The following MLPH variants were observed in gnomAD, a reference collection of about 807,000 sequenced individuals.
MLPH encodes exophilin-3.
Under a neutral mutation model 72.1 loss-of-function variants are expected in MLPH, and 51 were observed. That is an observed-to-expected ratio of 0.71 (90% CI 0.56 to 0.89). The LOEUF is 0.89. Ranked by LOEUF, MLPH falls within the 40% of genes least tolerant of loss-of-function variation. The pLI is 0.00. For missense variants in MLPH, 743 were observed against 759.9 expected, an observed-to-expected ratio of 0.98 and a Z score of 0.26; for synonymous variants, 301 against 310.1, an observed-to-expected ratio of 0.97 and a Z score of 0.31.
At chr2:237,522,360 G>C (rs1369632461) in intron 6 of MLPH, among the ~76,000 whole-genome samples, 1 of 110,144 alleles carries the variant, frequency 9.1e-6, no homozygotes, top group Non-Finnish European at 1.9e-5. Flanking sequence ...CTGGAGTGGA[G>C]CAGGGCTGAG....
In MLPH at chr2:237,505,271, G is replaced by A. The variant is rs1196589905; in HGVS notation, c.111-5303G>A. On this transcript the variant is annotated intron_variant, in intron 2 of 15. Coordinates refer to ENST00000264605, the MANE Select transcript of MLPH (RefSeq NM_024101.7). The surrounding 1 kb of genome is among the most constrained non-coding windows in gnomAD (Gnocchi z 4.5). ...CTGGCCGGGCACTGAGATACGGATG[G>A]CACCCACCACTGAGACCCTGATCCC... Among the ~76,000 whole-genome samples the A allele has an allele frequency of 6.6e-6, 1 of 152,128 alleles. No individual in the cohort carries two copies. The highest frequency in any genetic ancestry group is 1.5e-5 in the Non-Finnish European group (1 of 68,006).
intron 6 of MLPH, among the ~76,000 whole-genome samples, chr2:237,524,432 G>A (rs1217132034): frequency 6.6e-6 from 1 of 151,812 alleles, no homozygotes; most frequent in Admixed American, 6.6e-5. Flanking sequence ...AGAACTTGGA[G>A]TCCGATGTTC....
chr2:237,519,590 G>T (rs2080132304), intron 5 of MLPH, among the ~76,000 whole-genome samples: 1 of 152,230 alleles, frequency 6.6e-6, no homozygotes, highest in South Asian at 2.1e-4. Flanking sequence ...CCCTGGAACA[G>T]CTTGCCTGCC....
At chr2:237,523,170 G>C (rs1280074468) in intron 6 of MLPH, among the ~76,000 whole-genome samples, 1 of 152,206 alleles carries the variant, frequency 6.6e-6, no homozygotes, top group Non-Finnish European at 1.5e-5. Context: ...GAGGGTTTGA[G>C]AGTCTGGATT....
At chr2:237,509,862 C>A (rs1260594910) in intron 2 of MLPH, among the ~76,000 whole-genome samples, 1 of 152,162 alleles carries the variant, frequency 6.6e-6, no homozygotes, top group Admixed American at 6.5e-5. Flanking sequence ...ACAATGGCAC[C>A]TAGTGTCCTT....
chr2:237,508,473 C>T (rs970463354), intron 2 of MLPH, among the ~76,000 whole-genome samples: 8 of 152,122 alleles, frequency 5.3e-5, no homozygotes, highest in South Asian at 4.2e-4. Flanking sequence ...TGCCCTGACT[C>T]GTGCTAAAGC....
chr2:237,520,969 T>A (rs567899727), intron 6 of MLPH, among the ~76,000 whole-genome samples: 1 of 152,282 alleles, frequency 6.6e-6, no homozygotes, highest in East Asian at 1.9e-4. Context: ...TTATTAGTTA[T>A]GAGATTAAGC....
intron 2 of MLPH, among the ~76,000 whole-genome samples, chr2:237,501,712 G>A (rs1192272983): frequency 6.6e-6 from 1 of 150,480 alleles, no homozygotes; most frequent in Non-Finnish European, 1.5e-5. Flanking sequence ...AGCCAGGCAT[G>A]GTGGCAGGTG....
chr2:237,540,785 G>A lies in MLPH; in HGVS notation c.1291-17G>A, dbSNP rs368876901. 5.0e-5 allele frequency: 80 copies of A among 1,612,372 alleles called. No individual in the cohort carries two copies. The highest frequency in any genetic ancestry group is 2.8e-4 in the African/African-American group (21 of 74,888). On this transcript the variant is annotated splice_polypyrimidine_tract_variant and intron_variant, in intron 10 of 15. Transcript: ENST00000264605. Reference sequence around the variant, plus strand: ...TCCCTCCTGCTGCTGGTCAGCCTCCGTCCTTCTCTTTCCTAGGTGGGCACG... The same window carrying A: ...TCCCTCCTGCTGCTGGTCAGCCTCCATCCTTCTCTTTCCTAGGTGGGCACG...
At chr2:237,521,588 G>T (rs1323983158) in intron 6 of MLPH, among the ~76,000 whole-genome samples, 2 of 152,080 alleles carry the variant, frequency 1.3e-5, no homozygotes, top group African/African-American at 4.8e-5. Context: ...AGAATGCGAT[G>T]TTTTTTGATA....
At chr2:237,523,402 A>G (rs961521946) in intron 6 of MLPH, among the ~76,000 whole-genome samples, 2 of 152,228 alleles carry the variant, frequency 1.3e-5, no homozygotes, top group African/African-American at 4.8e-5. Context: ...GAGTTGCACC[A>G]ATGTTTTTAG....
intron 2 of MLPH, among the ~76,000 whole-genome samples, chr2:237,497,803 G>A (rs10194318): frequency 0.055 from 8,378 of 152,234 alleles, 748 homozygotes; most frequent in African/African-American, 0.19. Flanking sequence ...ACAGAATCCC[G>A]TTCTCTGTAG....
Position 237,540,343 on chromosome 2 carries a change from G to C in MLPH, c.1105-5G>C, listed in dbSNP as rs774857589. ...GAATCCAAATCCACTGGCCTGTTCT[G>C]TCAGGGTCTAGGTGCTGGAGTGCGC... On this transcript the variant is annotated splice_polypyrimidine_tract_variant and splice_region_variant and intron_variant, in intron 9 of 15. Coordinates refer to ENST00000264605, the MANE Select transcript of MLPH (RefSeq NM_024101.7). The C allele has an allele frequency of 3.7e-6, 6 of 1,613,380 alleles. No individual in the cohort carries two copies. In the African/African-American group the frequency reaches 8.0e-5, roughly 22 times the overall value.
chr2:237,493,586 C>A, intron 2 of MLPH, 50 bp downstream of exon 2: 1 of 1,433,606 alleles, frequency 7.0e-7, no homozygotes, highest in South Asian at 1.1e-5. Flanking sequence ...TGATCTTCCC[C>A]CAGGGCCATC....
intron 8 of MLPH, among the ~76,000 whole-genome samples, chr2:237,528,838 T>A (rs1200738351): frequency 6.6e-6 from 1 of 152,228 alleles, no homozygotes; most frequent in African/African-American, 2.4e-5. Context: ...ACATTTCATG[T>A]AAATGGACTC....
At chr2:237,508,327 G>T (rs2079819583) in intron 2 of MLPH, among the ~76,000 whole-genome samples, 1 of 152,062 alleles carries the variant, frequency 6.6e-6, no homozygotes, top group Admixed American at 6.5e-5. Context: ...GGCCAGGCTG[G>T]TCTTGAACTC....
rs573161714 is a variant in MLPH, at chr2:237,505,596, G to A, written c.111-4978G>A. Among the ~76,000 whole-genome samples the A allele has an allele frequency of 2.6e-5, 4 of 152,262 alleles. No homozygotes were observed. The highest frequency in any genetic ancestry group is 7.2e-5 in the African/African-American group (3 of 41,556). ...GCTCTCCCCAGTATTCCTGCATGTTGCCACCACACCCCTGTCTAGATTTCA... is the reference window on the plus strand; with the variant it reads ...GCTCTCCCCAGTATTCCTGCATGTTACCACCACACCCCTGTCTAGATTTCA... On this transcript the variant is annotated intron_variant, in intron 2 of 15. Transcript: ENST00000264605. The surrounding 1 kb of genome is among the most constrained non-coding windows in gnomAD (Gnocchi z 4.5).
At position 237,548,324 on chromosome 2, in the gene MLPH, C is replaced by T. The variant is rs1219098427; in HGVS notation, c.1618-897C>T. Reference sequence around the variant, plus strand: ...AGGCAAAATCCCAGGGTGCCAGACACCAGGAGAAATTTCCAGGGGAATTTG... The same window carrying T: ...AGGCAAAATCCCAGGGTGCCAGACATCAGGAGAAATTTCCAGGGGAATTTG... On this transcript the variant is annotated intron_variant, in intron 13 of 15. Coordinates refer to ENST00000264605, the MANE Select transcript of MLPH (RefSeq NM_024101.7). 3.3e-5 allele frequency among the ~76,000 whole-genome samples: 5 copies of T among 152,210 alleles called. No homozygotes were observed. In the East Asian group the frequency reaches 9.6e-4, roughly 29 times the overall value.
Position 237,525,629 on chromosome 2 carries a change from A to C in MLPH, c.704A>C (p.Lys235Thr). ...QSLTDESCSE[K>T]AAPHKAEGLE... ...CTCACAGATGAGTCCTGCTCAGAGA[A>C]GGCAGCCCCTCACAAGGCTGAGGGC... The change falls in exon 7 of 16, where the codon AAG becomes ACG. Residue 235 changes from lysine to threonine, a missense_variant. Transcript: ENST00000264605. 6.2e-7 allele frequency: 1 copy of C among 1,614,126 alleles called. No homozygotes were observed. Among genetic ancestry groups the C allele is most frequent in the Non-Finnish European group, 8.5e-7 (1 of 1,180,016 alleles).
Sources: allele counts gnomAD v4.1 joint callset (sites outside exome capture counted in the v4.1 genomes callset), GRCh38; gene constraint gnomAD v4.1.1; non-coding constraint Gnocchi (gnomAD v3.1); transcripts MANE v1.5; gene names NCBI Gene and HGNC (gene_info 2026-07-23, HGNC 2026-07-21).